The following PRKCSH variants were observed in gnomAD, a reference collection of about 807,000 sequenced individuals.
The protein encoded by PRKCSH is glucosidase 2 subunit beta.
A neutral mutation model predicts 79.7 loss-of-function variants in PRKCSH; 42 were observed. The ratio of observed to expected loss-of-function variants is 0.53; its 90% CI spans 0.41 to 0.68. PRKCSH has a LOEUF of 0.68. PRKCSH is among the 30% of genes least tolerant of loss of function. The pLI, the probability that PRKCSH is intolerant of heterozygous loss-of-function variation, is 0.00. For missense variants in PRKCSH, 686 were observed against 709.0 expected, an observed-to-expected ratio of 0.97 and a Z score of 0.37; for synonymous variants, 325 against 288.2, an observed-to-expected ratio of 1.13 and a Z score of -1.29.
rs746231889 is a variant in PRKCSH, at chr19:11,447,152, C to T, written c.841C>T (p.Arg281Trp). Residue 281 changes from arginine (R) to tryptophan (W), a missense_variant, in exon 10 of 18, where the codon CGG becomes TGG. Transcript: ENST00000677123. This position sits in a 1 kb window ranked among gnomAD's most constrained non-coding sequence, Gnocchi z 5.6. ...RVWAAIRDKYRSEALPTDLPA... is the reference protein window; with the variant it reads ...RVWAAIRDKYWSEALPTDLPA... ...CTGGGCCGCCATCAGGGACAAGTACCGGTCCGAGGTCAGTGGAGGAGAAGG... is the reference window on the plus strand; with the variant it reads ...CTGGGCCGCCATCAGGGACAAGTACTGGTCCGAGGTCAGTGGAGGAGAAGG... The T allele has an allele frequency of 7.5e-5, 121 of 1,613,806 alleles. No individual in the cohort carries two copies. In the Admixed American group the frequency reaches 9.0e-4, roughly 12 times the overall value.
chr19:11,435,678 G>A lies in PRKCSH; in HGVS notation c.-106G>A. The A allele has an allele frequency of 7.7e-7, 1 of 1,304,478 alleles. No individual in the cohort carries two copies. The highest frequency in any genetic ancestry group is 1.0e-6 in the Non-Finnish European group (1 of 999,378). 80.8% of individuals were successfully genotyped at this position (1,304,478 alleles called of 1,614,324 possible). A position where few individuals can be genotyped will look rare whatever the true frequency, so the allele number is the denominator to read the frequency against. ...GCGGCTGCTGGACAAGAGGGGTGCG[G>A]TGGATACTGACCTTTGCTCCGGCCT... On this transcript the variant is annotated 5_prime_UTR_variant, in exon 1 of 18. It adds an upstream start codon to the 5' untranslated region. Transcript: ENST00000677123.
In PRKCSH at chr19:11,442,331, A is replaced by G. The variant is rs574607305; in HGVS notation, c.469-55A>G. 9 of 1,543,760 alleles carry G rather than the reference A, an allele frequency of 5.8e-6. No individual in the cohort carries two copies. The Admixed American group carries it at 7.8e-5, about 13-fold the overall frequency. ...GAGTAGAGGCAGGGAGGTAGTAGTC[A>G]ATGAGGAGGAGGCAGAACAGAGGAG... On this transcript the variant is annotated intron_variant, in intron 6 of 17. Coordinates refer to ENST00000677123, the MANE Select transcript of PRKCSH (RefSeq NM_001289104.2).
Position 11,448,411 on chromosome 19 carries a change from G to A in PRKCSH, c.1196+120G>A. ...AGGCTGGGCCTGGTCCCTGCAGGGAGGGTCCCTGGGAGGTGGCAGGGAGGA... is the reference window on the plus strand; with the variant it reads ...AGGCTGGGCCTGGTCCCTGCAGGGAAGGTCCCTGGGAGGTGGCAGGGAGGA... On this transcript the variant is annotated intron_variant, in intron 13 of 17. Coordinates refer to ENST00000677123, the MANE Select transcript of PRKCSH (RefSeq NM_001289104.2). The surrounding 1 kb of genome is among the most constrained non-coding windows in gnomAD (Gnocchi z 4.4). 1 of 1,456,238 alleles carries A rather than the reference G, an allele frequency of 6.9e-7. No homozygotes were observed. Among genetic ancestry groups the A allele is most frequent in the Admixed American group, 1.9e-5 (1 of 52,820 alleles). The allele number at this position is 1,456,238 out of a possible 1,614,324, so 90.2% of individuals were successfully genotyped here. A position where few individuals can be genotyped will look rare whatever the true frequency, so the allele number is the denominator to read the frequency against.
Position 11,448,460 on chromosome 19 carries a change from C to T in PRKCSH, c.1197-80C>T. The T allele has an allele frequency of 6.7e-7, 1 of 1,491,956 alleles. No homozygotes were observed. Among genetic ancestry groups the T allele is most frequent in the Non-Finnish European group, 9.3e-7 (1 of 1,070,386 alleles). 92.4% of individuals were successfully genotyped at this position (1,491,956 alleles called of 1,614,324 possible). On this transcript the variant is annotated intron_variant, in intron 13 of 17. Coordinates refer to ENST00000677123, the MANE Select transcript of PRKCSH (RefSeq NM_001289104.2). This position sits in a 1 kb window ranked among gnomAD's most constrained non-coding sequence, Gnocchi z 4.4. ...GACAGCCTGGGCACCATTGCTCAGCCAGACCCTCCTGTGTCTGTCGTCCTG... is the reference window on the plus strand; with the variant it reads ...GACAGCCTGGGCACCATTGCTCAGCTAGACCCTCCTGTGTCTGTCGTCCTG...
At chr19:11,445,904 G>T in intron 8 of PRKCSH, 1 of 466,052 alleles carries the variant, frequency 2.1e-6, no homozygotes. Flanking sequence ...AGGAGCAGGG[G>T]GCTTCAGAGG....
At chr19:11,441,993 C>T (rs979455674) in intron 6 of PRKCSH, among the ~76,000 whole-genome samples, 3 of 152,204 alleles carry the variant, frequency 2.0e-5, no homozygotes, top group Admixed American at 1.3e-4. Flanking sequence ...GAGGAGGCCT[C>T]TATCTCACAT....
At position 11,447,754 on chromosome 19, in the gene PRKCSH, C is replaced by T. The variant is rs770401000; in HGVS notation, c.1091C>T (p.Pro364Leu). 9.4e-6 allele frequency: 15 copies of T among 1,593,824 alleles called. No homozygotes were observed. Among genetic ancestry groups the T allele is most frequent in the Admixed American group, 7.0e-5 (4 of 57,258 alleles). ...PASPAEEDKM[P>L]PYDEQTQAFI... ...AGCCCTGCTGAGGAAGACAAAATGC[C>T]GCCCTACGACGAGCAGACGCAGGCC... Residue 364 changes from proline (P) to leucine (L), a missense_variant, in exon 12 of 18, where the codon CCG (proline) becomes CTG (leucine). Coordinates refer to ENST00000677123, the MANE Select transcript of PRKCSH (RefSeq NM_001289104.2). The surrounding 1 kb of genome is among the most constrained non-coding windows in gnomAD (Gnocchi z 5.6).
Position 11,448,383 on chromosome 19 carries a change from C to T in PRKCSH, c.1196+92C>T. On this transcript the variant is annotated intron_variant, in intron 13 of 17. Transcript: ENST00000677123. This position sits in a 1 kb window ranked among gnomAD's most constrained non-coding sequence, Gnocchi z 4.4. ...GGTGATGGGGAATCACTGAGGCAACCACAGGCTGGGCCTGGTCCCTGCAGG... is the reference window on the plus strand; with the variant it reads ...GGTGATGGGGAATCACTGAGGCAACTACAGGCTGGGCCTGGTCCCTGCAGG... 1.3e-6 allele frequency: 2 copies of T among 1,507,256 alleles called. No individual in the cohort carries two copies. Among genetic ancestry groups the T allele is most frequent in the Non-Finnish European group, 1.8e-6 (2 of 1,103,806 alleles). 93.4% of individuals were successfully genotyped at this position (1,507,256 alleles called of 1,614,324 possible). A position where few individuals can be genotyped will look rare whatever the true frequency, so the allele number is the denominator to read the frequency against.
At position 11,447,843 on chromosome 19, in the gene PRKCSH, G is replaced by T; in HGVS notation, c.1126+54G>T. Reference sequence around the variant, plus strand: ...GGGTGGGCCCAGCGTTTCCTGCCGTGGTGGCACAGGTCGAGGGAAGATCCT... The same window carrying T: ...GGGTGGGCCCAGCGTTTCCTGCCGTTGTGGCACAGGTCGAGGGAAGATCCT... On this transcript the variant is annotated intron_variant, in intron 12 of 17. Transcript: ENST00000677123. The surrounding 1 kb of genome is among the most constrained non-coding windows in gnomAD (Gnocchi z 5.6). The T allele has an allele frequency of 6.7e-7, 1 of 1,494,222 alleles. No individual in the cohort carries two copies. Among genetic ancestry groups the T allele is most frequent in the East Asian group, 2.5e-5 (1 of 40,568 alleles). 92.6% of individuals were successfully genotyped at this position (1,494,222 alleles called of 1,614,324 possible). A position where few individuals can be genotyped will look rare whatever the true frequency, so the allele number is the denominator to read the frequency against.
chr19:11,442,388 A>G lies in PRKCSH; in HGVS notation c.471A>G (p.Lys157=). The G allele has an allele frequency of 6.3e-7, 1 of 1,599,552 alleles. No homozygotes were observed. Among genetic ancestry groups the G allele is most frequent in the Non-Finnish European group, 8.5e-7 (1 of 1,172,826 alleles). The change falls in exon 7 of 18, where the codon AAA becomes AAG. Residue 157 remains lysine, a splice_region_variant and synonymous_variant. Coordinates refer to ENST00000677123, the MANE Select transcript of PRKCSH (RefSeq NM_001289104.2). The part of the protein sequence containing the change: ...DWKKAREEKQ[K]KLIELQAGKK... ...TCTCTTGCCTTCTGCCCACCCAGAA[A>G]AAGCTCATTGAGCTACAGGCTGGGA...
In PRKCSH at chr19:11,448,189, G is replaced by A. The variant is rs1366493269; in HGVS notation, c.1127-33G>A. 1 of 1,548,722 alleles carries A rather than the reference G, an allele frequency of 6.5e-7. No homozygotes were observed. The highest frequency in any genetic ancestry group is 8.7e-7 in the Non-Finnish European group (1 of 1,144,104). ...GTTCCCCATCCTCCTGGATGGGGTT[G>A]AGGACATCTCTGACCTCCAACCCCT... On this transcript the variant is annotated intron_variant, in intron 12 of 17. Transcript: ENST00000677123. This position sits in a 1 kb window ranked among gnomAD's most constrained non-coding sequence, Gnocchi z 4.4.
chr19:11,437,388 A>T (rs1969819858), intron 3 of PRKCSH, among the ~76,000 whole-genome samples: 1 of 127,892 alleles, frequency 7.8e-6, no homozygotes, highest in Non-Finnish European at 1.6e-5. Context: ...TTTCACTCTT[A>T]TCGCCCAGGC....
In PRKCSH at chr19:11,445,417, G is replaced by T. The variant is rs775259637; in HGVS notation, c.627G>T (p.Gln209His). The T allele has an allele frequency of 4.3e-5, 69 of 1,614,088 alleles. No homozygotes were observed. The highest frequency in any genetic ancestry group is 4.2e-5 in the Non-Finnish European group (49 of 1,180,040). The stretch of plus-strand genomic sequence containing the variant: ...AGCTGGCTGCTGCCAAGGCCCAACA[G>T]GAGCAGGAGCTGGCGGCTGATGCCT... ...EEQLAAAKAQ[Q>H]EQELAADAFK... The change falls in exon 8 of 18, where the codon CAG becomes CAT. Residue 209 changes from glutamine (Q) to histidine (H), a missense_variant. Gln to His is a conservative substitution (Grantham distance 24). This residue lies in a region of PRKCSH where 549 missense variants were observed against 520.2 expected (regional missense o/e 1.06). Transcript: ENST00000677123.
In PRKCSH at chr19:11,447,282, C is replaced by A. The variant is rs376847568; in HGVS notation, c.849+122C>A. On this transcript the variant is annotated intron_variant, in intron 10 of 17. Transcript: ENST00000677123. This position sits in a 1 kb window ranked among gnomAD's most constrained non-coding sequence, Gnocchi z 5.6. Reference sequence around the variant, plus strand: ...CCTGGCCAGCTGGGTGGCCCCAGCACCCCCCACCGAGACCCCCCGACCCCA... The same window carrying A: ...CCTGGCCAGCTGGGTGGCCCCAGCAACCCCCACCGAGACCCCCCGACCCCA... The A allele has an allele frequency of 3.1e-4, 421 of 1,348,572 alleles. 1 individual carries two copies. In the African/African-American group the frequency reaches 5.1e-3, roughly 16 times the overall value. The allele number at this position is 1,348,572 out of a possible 1,614,324, so 83.5% of individuals were successfully genotyped here.
chr19:11,443,566 C>G (rs1321070027), intron 7 of PRKCSH, among the ~76,000 whole-genome samples: 1 of 151,260 alleles, frequency 6.6e-6, no homozygotes, highest in African/African-American at 2.4e-5. Context: ...AAAAATTAGC[C>G]TGGCATGGTG....
Position 11,442,533 on chromosome 19 carries a change from A to C in PRKCSH, c.598+18A>C, listed in dbSNP as rs1480174697. 9 of 1,608,076 alleles carry C rather than the reference A, an allele frequency of 5.6e-6. No individual in the cohort carries two copies. The highest frequency in any genetic ancestry group is 1.1e-5 in the South Asian group (1 of 90,340). ...GTGGGAAGGTATGGCAGAAATGGCC[A>C]AGGACTCACCTTCAGTCCTGGGTGG... On this transcript the variant is annotated intron_variant, in intron 7 of 17. Transcript: ENST00000677123.
chr19:11,447,941 G>A lies in PRKCSH; in HGVS notation c.1126+152G>A. The A allele has an allele frequency of 2.0e-6, 2 of 993,888 alleles. No homozygotes were observed. The highest frequency in any genetic ancestry group is 1.6e-5 in the African/African-American group (1 of 61,124). The allele number at this position is 993,888 out of a possible 1,614,324, so 61.6% of individuals were successfully genotyped here. ...GGGGAGTCCAGGAAGGGGGCCTAGGGTAAGCCAGTCCCACCCTCGCCAGCC... is the reference window on the plus strand; with the variant it reads ...GGGGAGTCCAGGAAGGGGGCCTAGGATAAGCCAGTCCCACCCTCGCCAGCC... On this transcript the variant is annotated intron_variant, in intron 12 of 17. Transcript: ENST00000677123. The surrounding 1 kb of genome is among the most constrained non-coding windows in gnomAD (Gnocchi z 5.6).
In PRKCSH at chr19:11,449,705, G is replaced by T; in HGVS notation, c.*16+277G>T. ...TTACAGGTGTGCACCACCATGCCTG[G>T]CTAATTTTTAGTAGAGATGGGGTTT... On this transcript the variant is annotated intron_variant, in intron 17 of 17. Transcript: ENST00000677123. This position sits in a 1 kb window ranked among gnomAD's most constrained non-coding sequence, Gnocchi z 6.4. 4.3e-6 allele frequency: 2 copies of T among 460,814 alleles called. No individual in the cohort carries two copies. The highest frequency in any genetic ancestry group is 1.3e-3 in the Middle Eastern group (2 of 1,588). The allele number at this position is 460,814 out of a possible 1,614,324, so 28.5% of individuals were successfully genotyped here.
intron 8 of PRKCSH, 93 bp downstream of exon 8, chr19:11,445,566 T>C: frequency 7.7e-7 from 1 of 1,297,608 alleles, no homozygotes; most frequent in South Asian, 1.2e-5. Flanking sequence ...CAGATCCTCC[T>C]TGGGTTCCCC....
Sources: allele counts gnomAD v4.1 joint callset (sites outside exome capture counted in the v4.1 genomes callset), GRCh38; gene constraint gnomAD v4.1.1; regional missense constraint gnomAD v4.1.1; non-coding constraint Gnocchi (gnomAD v3.1); transcripts MANE v1.5; gene names NCBI Gene and HGNC (gene_info 2026-07-23, HGNC 2026-07-21).